AGBL1: variants seen among roughly 807,000 people sequenced by gnomAD.
The protein encoded by AGBL1 is cytosolic carboxypeptidase 4.
In AGBL1, 130 loss-of-function variants were observed where a neutral mutation model predicts 118.9. The ratio of observed to expected loss-of-function variants is 1.09; its 90% CI spans 0.95 to 1.26. The LOEUF is 1.26. Ranked by LOEUF, AGBL1 falls within the 50% of genes most tolerant of loss-of-function variation. AGBL1 has a pLI of 0.00. For synonymous variants in AGBL1, 555 were observed against 478.9 expected, an observed-to-expected ratio of 1.16 and a Z score of -2.08; for missense variants, 1,584 against 1,298.1, an observed-to-expected ratio of 1.22 and a Z score of -3.38.
At chr15:86,744,403 G>A (rs1292237958) in intron 22 of AGBL1, among the ~76,000 whole-genome samples, 1 of 152,054 alleles carries the variant, frequency 6.6e-6, no homozygotes, top group Non-Finnish European at 1.5e-5. Flanking sequence ...TATGAAACAA[G>A]GCCAAGTGAT....
chr15:86,356,481 A>G (rs1480469568), intron 17 of AGBL1, among the ~76,000 whole-genome samples: 1 of 152,136 alleles, frequency 6.6e-6, no homozygotes, highest in East Asian at 1.9e-4. Context: ...TATGCTGAGA[A>G]ATAATAAGGG....
rs113735572 is a variant in AGBL1 at position 86,251,212 on chromosome 15, C to T, written c.735+3333C>T. On this transcript the variant is annotated intron_variant, in intron 7 of 22. Transcript: ENST00000614907. ...AACTGTTAAGTAATTTTCCCAAGTT[C>T]GCAAAGCTCATAAGTGTTGGAGCTA... Among the ~76,000 whole-genome samples, 148 of 152,238 alleles carry T rather than the reference C, an allele frequency of 9.7e-4. 1 individual carries two copies. Among genetic ancestry groups the T allele is most frequent in the African/African-American group, 3.3e-3 (139 of 41,546 alleles).
chr15:86,425,513 A>G (rs1008418443), intron 18 of AGBL1, among the ~76,000 whole-genome samples: 4 of 152,188 alleles, frequency 2.6e-5, no homozygotes, highest in Non-Finnish European at 5.9e-5. Flanking sequence ...TGTTCTGAAC[A>G]TGTATCCCAG....
intron 3 of AGBL1, among the ~76,000 whole-genome samples, chr15:86,151,669 T>C (rs1368299933): frequency 1.3e-5 from 2 of 152,224 alleles, no homozygotes; most frequent in Admixed American, 6.5e-5. Context: ...TTGGAAGTTC[T>C]GGCCAGGACA....
intron 22 of AGBL1, among the ~76,000 whole-genome samples, chr15:86,832,926 G>T (rs2079125210): frequency 6.6e-6 from 1 of 152,196 alleles, no homozygotes; most frequent in South Asian, 2.1e-4. Context: ...AAGGAAAGAG[G>T]TTTAATGGAC....
At chr15:86,809,047 C>T (rs926848695) in intron 22 of AGBL1, among the ~76,000 whole-genome samples, 2 of 151,926 alleles carry the variant, frequency 1.3e-5, no homozygotes, top group African/African-American at 4.8e-5. Context: ...TTATGAATAT[C>T]TAAAAAAAGG....
chr15:86,535,283 T>C (rs1412674607), intron 19 of AGBL1, among the ~76,000 whole-genome samples: 2 of 152,202 alleles, frequency 1.3e-5, no homozygotes, highest in African/African-American at 2.4e-5. Flanking sequence ...GCAGAAGGCA[T>C]TGAACCAGTT....
intron 5 of AGBL1, among the ~76,000 whole-genome samples, chr15:86,162,692 C>T (rs904047927): frequency 5.3e-5 from 8 of 152,190 alleles, no homozygotes; most frequent in Admixed American, 3.9e-4. Context: ...GCTATGATAG[C>T]CCTCTAGTTG....
chr15:86,730,989 A>G (rs1481377883), intron 22 of AGBL1, among the ~76,000 whole-genome samples: 4 of 151,928 alleles, frequency 2.6e-5, no homozygotes, highest in East Asian at 1.9e-4. Context: ...CACCATGCCA[A>G]GCTAATTTTT....
intron 4 of AGBL1, among the ~76,000 whole-genome samples, chr15:86,155,932 A>AT (rs1408969387): frequency 1.3e-5 from 2 of 151,570 alleles, no homozygotes; most frequent in African/African-American, 2.4e-5. Context: ...ATTTTTTTTT[A>AT]TTTTTTTGAG....
chr15:86,390,134 A>T (rs1286429123), intron 17 of AGBL1, among the ~76,000 whole-genome samples: 1 of 152,334 alleles, frequency 6.6e-6, no homozygotes. Context: ...CACAAAGGAG[A>T]CATTAAGGCA....
intron 18 of AGBL1, among the ~76,000 whole-genome samples, chr15:86,436,605 A>C (rs1253188310): frequency 6.6e-6 from 1 of 152,202 alleles, no homozygotes; most frequent in Non-Finnish European, 1.5e-5. Context: ...TAGAGTGACG[A>C]AGACCAGAGA....
chr15:86,670,189 T>C (rs994678584), intron 21 of AGBL1, among the ~76,000 whole-genome samples: 1 of 152,116 alleles, frequency 6.6e-6, no homozygotes, highest in Non-Finnish European at 1.5e-5. Flanking sequence ...TTCCCTGAAG[T>C]GACGTTACCA....
At chr15:86,524,215 AC>A (rs1354347591) in intron 19 of AGBL1, among the ~76,000 whole-genome samples, 3 of 152,124 alleles carry the variant, frequency 2.0e-5, no homozygotes, top group Admixed American at 2.0e-4. Context: ...ATGTTTTTCT[AC>A]CCTGCAACAT....
intron 5 of AGBL1, among the ~76,000 whole-genome samples, chr15:86,175,359 T>C (rs1402211738): frequency 3.3e-5 from 5 of 152,164 alleles, no homozygotes; most frequent in Non-Finnish European, 5.9e-5. Context: ...TCAGGAGTAA[T>C]ACCTCCTGTG....
intron 14 of AGBL1, among the ~76,000 whole-genome samples, chr15:86,271,208 G>A (rs971163165): frequency 6.6e-6 from 1 of 151,940 alleles, no homozygotes; most frequent in Admixed American, 6.6e-5. Context: ...GTGCCACCAT[G>A]CCCGGCTAAT....
intron 23 of AGBL1, among the ~76,000 whole-genome samples, chr15:86,969,689 A>G (rs1035809212): frequency 1.3e-5 from 2 of 151,968 alleles, no homozygotes; most frequent in Non-Finnish European, 2.9e-5. Flanking sequence ...ATGTACATAT[A>G]TATCTGCAGA....
intron 18 of AGBL1, among the ~76,000 whole-genome samples, chr15:86,475,216 T>A (rs576345937): frequency 7.9e-5 from 12 of 152,202 alleles, no homozygotes; most frequent in Non-Finnish European, 1.5e-4. Flanking sequence ...GGAACAAAGA[T>A]GGACAGAGAA....
chr15:86,546,087 C>T lies in AGBL1; in HGVS notation c.2771C>T (p.Ala924Val). The change falls in exon 20 of 23, where the codon GCA becomes GTA. Residue 924 changes from alanine to valine, a missense_variant. Transcript: ENST00000614907. ...ATCAAGGAAACCTTGTGGCAAGCAG[C>T]ATGCACTGTGGGCACATCTACTATC... ...CSIKETLWQA[A>V]CTVGTSTILE... is the part of the protein sequence containing the mutation. 6.2e-7 allele frequency: 1 copy of T among 1,613,450 alleles called. No individual in the cohort carries two copies. The highest frequency in any genetic ancestry group is 8.5e-7 in the Non-Finnish European group (1 of 1,179,598).
Sources: allele counts gnomAD v4.1 joint callset (sites outside exome capture counted in the v4.1 genomes callset), GRCh38; gene constraint gnomAD v4.1.1; transcripts MANE v1.5; gene names NCBI Gene and HGNC (gene_info 2026-07-23, HGNC 2026-07-21).